The following USP42 variants were observed in gnomAD, a reference collection of about 807,000 sequenced individuals.
USP42 encodes ubiquitin carboxyl-terminal hydrolase 42.
In USP42, 23 loss-of-function variants were observed where a neutral mutation model predicts 113.0. The observed-to-expected ratio is 0.20, with a 90% CI of 0.15 to 0.29. The LOEUF is 0.29. Ranked by LOEUF, USP42 falls within the 10% of genes least tolerant of loss-of-function variation. USP42 has a pLI of 1.00. For missense variants in USP42, 2,174 were observed against 1,779.8 expected, an observed-to-expected ratio of 1.22 and a Z score of -3.99; for synonymous variants, 933 against 699.0, an observed-to-expected ratio of 1.33 and a Z score of -5.28.
At position 6,158,304 on chromosome 7, in the gene USP42, T is replaced by C. The variant is rs931938852; in HGVS notation, c.3944-1146T>C. ...GGCTCGCAAAGCGGAAAATGTTTAT[T>C]ATTGCCCCTTGACAGAAAGGGTTTG... On this transcript the variant is annotated intron_variant, in intron 16 of 17. Transcript: ENST00000306177. The surrounding 1 kb of genome is among the most constrained non-coding windows in gnomAD (Gnocchi z 4.2). 4.6e-5 allele frequency among the ~76,000 whole-genome samples: 7 copies of C among 152,186 alleles called. No individual in the cohort carries two copies. The East Asian group carries it at 1.4e-3, about 29-fold the overall frequency.
At chr7:6,087,647 T>C in the USP42 span, among the ~76,000 whole-genome samples, 1 of 151,126 alleles carries the variant, frequency 6.6e-6, no homozygotes, top group Non-Finnish European at 1.5e-5. Context: ...CACACTTCTT[T>C]AACTCTCTTT....
chr7:6,144,476 A>G (rs1176963276), intron 9 of USP42, among the ~76,000 whole-genome samples: 1 of 152,182 alleles, frequency 6.6e-6, no homozygotes, highest in Non-Finnish European at 1.5e-5. Context: ...TTGGTAGTAC[A>G]CTGAATTTTC....
chr7:6,102,033 A>C (rs970556906), upstream of USP42, among the ~76,000 whole-genome samples: 4 of 150,052 alleles, frequency 2.7e-5, no homozygotes, highest in African/African-American at 5.0e-5. Context: ...AGACTGTTCT[A>C]GGAGACAGGG....
chr7:6,106,720 A>C (rs1583565427), intron 1 of USP42, among the ~76,000 whole-genome samples: 1 of 147,872 alleles, frequency 6.8e-6, no homozygotes, highest in Non-Finnish European at 1.5e-5. Flanking sequence ...ACATGCCACC[A>C]CACCCAGCTA....
intron 4 of USP42, among the ~76,000 whole-genome samples, chr7:6,136,212 C>T (rs538352617): frequency 1.3e-5 from 2 of 152,096 alleles, no homozygotes; most frequent in African/African-American, 2.4e-5. Context: ...CCATGTTGGT[C>T]AGGCTGGTCT....
In USP42 at chr7:6,157,635, A is replaced by G. The variant is rs571211999; in HGVS notation, c.3943+580A>G. On this transcript the variant is annotated intron_variant, in intron 16 of 17. Transcript: ENST00000306177. The surrounding 1 kb of genome is among the most constrained non-coding windows in gnomAD (Gnocchi z 4.1). The stretch of plus-strand genomic sequence containing the variant: ...ATGGTCTCGAGAACTCTTGGTTTTA[A>G]AGCATTTTTGATAGAAATACTTTTG... 1.4e-4 allele frequency among the ~76,000 whole-genome samples: 21 copies of G among 152,274 alleles called. No individual in the cohort carries two copies. Among genetic ancestry groups the G allele is most frequent in the African/African-American group, 4.1e-4 (17 of 41,546 alleles).
At chr7:6,110,740 G>A (rs1035884904) in intron 1 of USP42, among the ~76,000 whole-genome samples, 1 of 152,118 alleles carries the variant, frequency 6.6e-6, no homozygotes, top group African/African-American at 2.4e-5. Context: ...ATGTATTACT[G>A]TGTATAATTT....
In USP42 at chr7:6,150,424, C is replaced by T. The variant is rs759862213; in HGVS notation, c.2119C>T (p.Pro707Ser). 7.4e-6 allele frequency: 12 copies of T among 1,613,818 alleles called. No individual in the cohort carries two copies. The highest frequency in any genetic ancestry group is 2.7e-5 in the African/African-American group (2 of 74,916). The change falls in exon 14 of 18, where the codon CCT becomes TCT. Residue 707 changes from proline (P) to serine (S), a missense_variant. Coordinates refer to ENST00000306177, the MANE Select transcript of USP42 (RefSeq NM_032172.3). ...GTTTTTATTGCAGTTGATGCCTGCT[C>T]CTTTGCTGTCTCTCCCAGAAGACAA... is the stretch of plus-strand genomic sequence containing the variant. ...NGLPGKLMPA[P>S]LLSLPEDKIL... is the part of the protein sequence containing the mutation.
chr7:6,147,186 T>C (rs1781764868), intron 11 of USP42, among the ~76,000 whole-genome samples: 1 of 152,192 alleles, frequency 6.6e-6, no homozygotes, highest in African/African-American at 2.4e-5. Context: ...TCAGGCCAAG[T>C]TGAGGGGTAG....
Position 6,149,906 on chromosome 7 carries a change from T to C in USP42, c.1710T>C (p.Ser570=). The C allele has an allele frequency of 6.2e-7, 1 of 1,614,054 alleles. No individual in the cohort carries two copies. Residue 570 remains serine, a synonymous_variant, in exon 13 of 18, where the codon TCT becomes TCC. Transcript: ENST00000306177. The part of the protein sequence containing the change: ...NSAVQSTSNA[S]TMSVSSKVTK... ...CAGTACAGTCTACCTCGAACGCATC[T>C]ACGATGTCAGTTTCTAGTAAAGTAA...
At chr7:6,091,485 C>T in the USP42 span, among the ~76,000 whole-genome samples, 2 of 150,772 alleles carry the variant, frequency 1.3e-5, no homozygotes, top group South Asian at 2.1e-4. Flanking sequence ...ACTTTGGCCT[C>T]CCCAAATGCT....
intron 1 of USP42, among the ~76,000 whole-genome samples, chr7:6,106,934 A>G (rs1251427659): frequency 2.6e-5 from 4 of 152,206 alleles, no homozygotes; most frequent in African/African-American, 4.8e-5. Flanking sequence ...ACAAGTTCTG[A>G]TATTTGTAAC....
the USP42 span, among the ~76,000 whole-genome samples, chr7:6,095,808 C>T: frequency 2.0e-5 from 3 of 150,968 alleles, no homozygotes; most frequent in African/African-American, 7.4e-5. Flanking sequence ...CTCACTGTTA[C>T]CCGGGCTGCA....
In USP42 at chr7:6,156,873, C is replaced by T; in HGVS notation, c.3761C>T (p.Ser1254Leu). The T allele has an allele frequency of 1.9e-6, 3 of 1,612,400 alleles. No homozygotes were observed. The highest frequency in any genetic ancestry group is 1.1e-5 in the South Asian group (1 of 90,768). The stretch of plus-strand genomic sequence containing the variant: ...AAATCAGAGGACTTTGTTAAAGATT[C>T]AGAACTGCACTTACCCAGGGTCACC... ...SRKSEDFVKD[S>L]ELHLPRVTSL... The change falls in exon 16 of 18, where the codon TCA (serine) becomes TTA (leucine). Residue 1254 changes from serine (S) to leucine (L), a missense_variant. Transcript: ENST00000306177.
At chr7:6,112,080 A>C (rs1256408680) in intron 2 of USP42, 1 of 152,166 alleles carries the variant, frequency 6.6e-6, no homozygotes, top group Non-Finnish European at 1.5e-5. Flanking sequence ...AATGAGCTTT[A>C]CCCAGTTTTT....
intron 1 of USP42, among the ~76,000 whole-genome samples, chr7:6,105,620 G>A (rs1453831539): frequency 1.3e-5 from 2 of 152,210 alleles, no homozygotes; most frequent in Admixed American, 6.5e-5. Context: ...GCTGCTCCGT[G>A]GAGAGTCCGA....
intron 9 of USP42, among the ~76,000 whole-genome samples, chr7:6,145,023 G>A (rs13437890): frequency 0.073 from 11,051 of 152,108 alleles, 498 homozygotes; most frequent in African/African-American, 0.12. Flanking sequence ...CTATCCTCCC[G>A]GTTAACCATG....
At chr7:6,114,668 A>G (rs1779793447) in intron 2 of USP42, among the ~76,000 whole-genome samples, 2 of 38,610 alleles carry the variant, frequency 5.2e-5, no homozygotes, top group Admixed American at 3.1e-4. Context: ...ATATATATAT[A>G]TATATATATA....
At chr7:6,133,887 T>A (rs1253674413) in intron 3 of USP42, among the ~76,000 whole-genome samples, 2 of 142,774 alleles carry the variant, frequency 1.4e-5, no homozygotes, top group African/African-American at 5.6e-5. Context: ...CCATGTTTCT[T>A]CTTCTTTTTT....
Sources: allele counts gnomAD v4.1 joint callset (sites outside exome capture counted in the v4.1 genomes callset), GRCh38; gene constraint gnomAD v4.1.1; non-coding constraint Gnocchi (gnomAD v3.1); transcripts MANE v1.5; gene names NCBI Gene and HGNC (gene_info 2026-07-23, HGNC 2026-07-21).